EXT1: variants seen among roughly 807,000 people sequenced by gnomAD.
EXT1 encodes the protein exostosin-1.
A neutral mutation model predicts 82.5 loss-of-function variants in EXT1; 20 were observed. That is an observed-to-expected ratio of 0.24 (90% CI 0.17 to 0.35). The LOEUF (loss-of-function observed/expected upper bound fraction) is 0.35, where lower values mean the gene tolerates loss of function less well. Ranked by LOEUF, EXT1 falls within the 10% of genes least tolerant of loss-of-function variation. The pLI, the probability that EXT1 is intolerant of heterozygous loss-of-function variation, is 1.00. For missense variants in EXT1, 757 were observed against 936.5 expected (o/e 0.81, Z 2.50); for synonymous variants, 348 against 350.8 (o/e 0.99, Z 0.09).
intron 1 of EXT1, among the ~76,000 whole-genome samples, chr8:117,942,041 AC>A (rs1814291817): frequency 6.6e-6 from 1 of 152,214 alleles, no homozygotes; most frequent in African/African-American, 2.4e-5. Context: ...ATGGGCCCCA[AC>A]ACTGATGACC....
chr8:118,002,582 AGCGCAGTGGT>A (rs1289918343), intron 1 of EXT1, among the ~76,000 whole-genome samples: 3 of 127,270 alleles, frequency 2.4e-5, no homozygotes, highest in African/African-American at 9.2e-5. Context: ...CCCAGGTTGG[AGCGCAGTGGT>A]GCGATCTCAG....
intron 1 of EXT1, among the ~76,000 whole-genome samples, chr8:118,098,807 G>A (rs1158021138): frequency 6.6e-6 from 1 of 150,532 alleles, no homozygotes; most frequent in Non-Finnish European, 1.5e-5. Flanking sequence ...TACACCACAG[G>A]ATCAGAAAAC....
chr8:117,931,525 T>G (rs1586292414), intron 1 of EXT1, among the ~76,000 whole-genome samples: 16 of 133,000 alleles, frequency 1.2e-4, no homozygotes, highest in South Asian at 2.4e-4. Flanking sequence ...AAGGGGGAGG[T>G]GGGAATAAGA....
At chr8:118,041,396 T>C (rs1816523947) in intron 1 of EXT1, among the ~76,000 whole-genome samples, 1 of 152,154 alleles carries the variant, frequency 6.6e-6, no homozygotes, top group Admixed American at 6.5e-5. Flanking sequence ...GCCAGGCACC[T>C]TTTGAGGCAT....
chr8:117,824,722 T>G (rs1268239684), intron 4 of EXT1, among the ~76,000 whole-genome samples: 1 of 152,242 alleles, frequency 6.6e-6, no homozygotes, highest in Non-Finnish European at 1.5e-5. Context: ...CAGCTATTTT[T>G]ACATATTAAT....
chr8:118,085,404 CAGA>C (rs1349697309), intron 1 of EXT1, among the ~76,000 whole-genome samples: 1 of 151,330 alleles, frequency 6.6e-6, no homozygotes, highest in African/African-American at 2.4e-5. Context: ...CCAGCTTCAT[CAGA>C]AGGTTAGTAT....
chr8:118,085,479 G>GT (rs58866328), intron 1 of EXT1, among the ~76,000 whole-genome samples: 4,354 of 126,674 alleles, frequency 0.034, 141 homozygotes, highest in African/African-American at 0.1. Flanking sequence ...GGCTGTTTTT[G>GT]TTTTTTTTTT....
At chr8:117,901,473 G>A (rs17475337) in intron 1 of EXT1, among the ~76,000 whole-genome samples, 7,067 of 152,150 alleles carry the variant, frequency 0.046, 559 homozygotes, top group African/African-American at 0.16. Flanking sequence ...CTGAGTAAAC[G>A]CAAAGGCCTA....
intron 1 of EXT1, among the ~76,000 whole-genome samples, chr8:117,942,944 A>G (rs1006569634): frequency 2.8e-4 from 43 of 152,354 alleles, no homozygotes; most frequent in African/African-American, 1.0e-3. Context: ...CCCATAGATT[A>G]TTGGCACATG....
chr8:117,860,999 T>A (rs1478287375), intron 1 of EXT1, among the ~76,000 whole-genome samples: 1 of 152,238 alleles, frequency 6.6e-6, no homozygotes, highest in African/African-American at 2.4e-5. Context: ...ATGAAATGTT[T>A]TATGTGGGCT....
At chr8:117,819,265 T>C (rs1382814331) in intron 6 of EXT1, among the ~76,000 whole-genome samples, 1 of 152,188 alleles carries the variant, frequency 6.6e-6, no homozygotes, top group African/African-American at 2.4e-5. Flanking sequence ...AAAGAAAAGT[T>C]GACACTTCAT....
chr8:117,837,942 T>C (rs1008043156), intron 1 of EXT1, among the ~76,000 whole-genome samples: 1 of 152,116 alleles, frequency 6.6e-6, no homozygotes, highest in Non-Finnish European at 1.5e-5. Context: ...TACCATTTAA[T>C]GATATTACAT....
At chr8:117,961,463 G>C (rs1814698294) in intron 1 of EXT1, among the ~76,000 whole-genome samples, 1 of 152,204 alleles carries the variant, frequency 6.6e-6, no homozygotes, top group Non-Finnish European at 1.5e-5. Flanking sequence ...AAGATTTATA[G>C]TGAATGTAAG....
chr8:117,955,276 A>C (rs1814565676), intron 1 of EXT1, among the ~76,000 whole-genome samples: 2 of 152,162 alleles, frequency 1.3e-5, no homozygotes, highest in Non-Finnish European at 2.9e-5. Context: ...GGGTTTCATC[A>C]CATAGGCATG....
chr8:118,070,991 T>C (rs999683064), intron 1 of EXT1, among the ~76,000 whole-genome samples: 1 of 152,328 alleles, frequency 6.6e-6, no homozygotes, highest in South Asian at 2.1e-4. Flanking sequence ...TCAGAATAAA[T>C]ATTAATTTGT....
At chr8:117,924,767 C>T (rs781047960) in intron 1 of EXT1, among the ~76,000 whole-genome samples, 15 of 152,256 alleles carry the variant, frequency 9.9e-5, no homozygotes, top group Non-Finnish European at 1.8e-4. Flanking sequence ...ATTAGGCAAA[C>T]GAGCATCACT....
intron 6 of EXT1, 35 bp downstream of exon 6, chr8:117,819,641 G>GC: frequency 6.4e-7 from 1 of 1,574,036 alleles, no homozygotes; most frequent in Non-Finnish European, 8.7e-7. Context: ...TGGAGCTGGA[G>GC]CAGGCAGGGG....
At chr8:118,087,075 T>C (rs1054419171) in intron 1 of EXT1, among the ~76,000 whole-genome samples, 1 of 152,194 alleles carries the variant, frequency 6.6e-6, no homozygotes, top group Non-Finnish European at 1.5e-5. Flanking sequence ...AGAGGATGAA[T>C]TCGCCACTTC....
In EXT1 at chr8:117,798,323, C is replaced by G. The variant is rs189538341; in HGVS notation, c.*1389G>C. ...CAAACTCAATAATGTCTTTCTCTTC[C>G]CTGTTTTCTCTGGCCTCTTCCAAGT... On this transcript the variant is annotated 3_prime_UTR_variant, in exon 11 of 11. Transcript: ENST00000378204. 1 of 151,970 alleles carries G rather than the reference C, an allele frequency of 6.6e-6. No individual in the cohort carries two copies. The highest frequency in any genetic ancestry group is 2.1e-4 in the South Asian group (1 of 4,824). 9.4% of individuals were successfully genotyped at this position (151,970 alleles called of 1,614,324 possible). A position where few individuals can be genotyped will look rare whatever the true frequency, so the allele number is the denominator to read the frequency against.
Sources: allele counts gnomAD v4.1 joint callset (sites outside exome capture counted in the v4.1 genomes callset), GRCh38; gene constraint gnomAD v4.1.1; transcripts MANE v1.5; gene names NCBI Gene and HGNC (gene_info 2026-07-23, HGNC 2026-07-21).